TLL1: variants seen among roughly 807,000 people sequenced by gnomAD.
TLL1 encodes the protein tolloid like 1, also known as tolloid-like protein 1.
A neutral mutation model predicts 128.2 loss-of-function variants in TLL1; 49 were observed. That is an observed-to-expected ratio of 0.38 (90% confidence interval 0.30 to 0.48). The LOEUF is 0.48. TLL1 is among the 20% of genes least tolerant of loss of function. The pLI is 0.96. For synonymous variants in TLL1, 454 were observed against 418.8 expected, an observed-to-expected ratio of 1.08 and a Z score of -1.03; for missense variants, 1,123 against 1,242.0, an observed-to-expected ratio of 0.90 and a Z score of 1.44.
At chr4:166,098,664 T>C (rs17633844) in intron 19 of TLL1, among the ~76,000 whole-genome samples, 9,465 of 152,152 alleles carry the variant, frequency 0.062, 320 homozygotes, top group Middle Eastern at 0.095. Context: ...TCAAGTGAGA[T>C]AAATATTTCT....
At chr4:166,011,644 G>A (rs1475514574) in intron 7 of TLL1, among the ~76,000 whole-genome samples, 2 of 151,230 alleles carry the variant, frequency 1.3e-5, no homozygotes, top group Non-Finnish European at 3.0e-5. Context: ...TTTTCTCGTT[G>A]TCCTGGCTGG....
At chr4:165,934,878 G>T (rs1733695879) in intron 1 of TLL1, among the ~76,000 whole-genome samples, 1 of 152,144 alleles carries the variant, frequency 6.6e-6, no homozygotes, top group Non-Finnish European at 1.5e-5. Context: ...ATAGAAATTG[G>T]AGTAAAAATA....
chr4:166,023,449 A>G (rs1353710716), intron 8 of TLL1, among the ~76,000 whole-genome samples: 1 of 152,210 alleles, frequency 6.6e-6, no homozygotes, highest in African/African-American at 2.4e-5. Context: ...CCTTGCTGTC[A>G]ATGAACAGTC....
chr4:165,918,351 G>T (rs1376646754), intron 1 of TLL1, among the ~76,000 whole-genome samples: 1 of 152,160 alleles, frequency 6.6e-6, no homozygotes, highest in African/African-American at 2.4e-5. Context: ...AGTCAAGGAA[G>T]ATGCTTTGAG....
chr4:166,087,552 C>T (rs574064030), intron 18 of TLL1, among the ~76,000 whole-genome samples: 1 of 152,268 alleles, frequency 6.6e-6, no homozygotes, highest in East Asian at 1.9e-4. Flanking sequence ...GCTTATCTTA[C>T]AGTTGCTCAA....
intron 1 of TLL1, among the ~76,000 whole-genome samples, chr4:165,961,186 T>A (rs1340713640): frequency 6.6e-6 from 1 of 151,914 alleles, no homozygotes; most frequent in Admixed American, 6.6e-5. Flanking sequence ...ATGTTCAAGC[T>A]GAGAACTAAG....
At chr4:166,099,679 A>T in intron 20 of TLL1, 152 bp downstream of exon 20, 2 of 1,015,376 alleles carry the variant, frequency 2.0e-6, no homozygotes, top group Non-Finnish European at 2.9e-6. Context: ...ACAAAATATA[A>T]CACGTCTCTA....
At chr4:166,082,104 G>C (rs897730109) in intron 18 of TLL1, among the ~76,000 whole-genome samples, 1 of 152,114 alleles carries the variant, frequency 6.6e-6, no homozygotes, top group Admixed American at 6.6e-5. Context: ...TTTAGGAATT[G>C]GAGTTTGTGT....
intron 9 of TLL1, among the ~76,000 whole-genome samples, chr4:166,034,328 T>G (rs77073057): frequency 2.6e-5 from 4 of 152,090 alleles, no homozygotes; most frequent in Non-Finnish European, 4.4e-5. Context: ...AGAGTCCACA[T>G]AGAATTATGT....
intron 8 of TLL1, among the ~76,000 whole-genome samples, chr4:166,017,904 C>T (rs1321719222): frequency 6.6e-6 from 1 of 152,162 alleles, no homozygotes; most frequent in African/African-American, 2.4e-5. Context: ...ATACTTACCA[C>T]AAGCCAAATG....
At position 166,077,956 on chromosome 4, in the gene TLL1, T is replaced by G; in HGVS notation, c.2368T>G (p.Trp790Gly). The change falls in exon 18 of 21, where the codon TGG becomes GGG. Residue 790 changes from tryptophan (W) to glycine (G), a missense_variant. This residue lies in a region of TLL1 where 634 missense variants were observed against 672.4 expected (regional missense o/e 0.94). Coordinates refer to ENST00000061240, the MANE Select transcript of TLL1 (RefSeq NM_012464.5). ...SPSGLITSPN[W>G]PDKYPSRKEC... The stretch of plus-strand genomic sequence containing the variant: ...AAGTGGCCTCATCACCAGTCCCAAC[T>G]GGCCAGACAAGTACCCAAGCAGGAA... 2 of 1,613,670 alleles carry G rather than the reference T, an allele frequency of 1.2e-6. No homozygotes were observed. The highest frequency in any genetic ancestry group is 1.7e-6 in the Non-Finnish European group (2 of 1,179,752).
At chr4:165,890,274 T>G (rs1447718473) in intron 1 of TLL1, among the ~76,000 whole-genome samples, 1 of 152,150 alleles carries the variant, frequency 6.6e-6, no homozygotes, top group African/African-American at 2.4e-5. Flanking sequence ...CCAAACCATA[T>G]CATTCTGCCA....
chr4:165,931,718 C>CAAAAAAAAAAA lies in TLL1; in HGVS notation c.169+57649_169+57650insAAAAAAAAAAA, dbSNP rs761214388. On this transcript the variant is annotated intron_variant, in intron 1 of 20. Coordinates refer to ENST00000061240, the MANE Select transcript of TLL1 (RefSeq NM_012464.5). ...TGGGCGACAGAGTAAGACTCTGTCT[C>CAAAAAAAAAAA]AAAAGAAAAAAAAAAGAAATTGCAA... Among the ~76,000 whole-genome samples, 9 of 133,536 alleles carry CAAAAAAAAAAA rather than the reference C, an allele frequency of 6.7e-5. 1 individual carries two copies. Among genetic ancestry groups the CAAAAAAAAAAA allele is most frequent in the Middle Eastern group, 3.9e-3 (1 of 256 alleles). The allele number at this position is 133,536 out of a possible 152,430, so 87.6% of individuals were successfully genotyped here. A position where few individuals can be genotyped will look rare whatever the true frequency, so the allele number is the denominator to read the frequency against.
In TLL1 at chr4:166,077,985, A is replaced by G. The variant is rs1355448280; in HGVS notation, c.2397A>G (p.Glu799=). 1 of 1,613,780 alleles carries G rather than the reference A, an allele frequency of 6.2e-7. No individual in the cohort carries two copies. The highest frequency in any genetic ancestry group is 2.2e-5 in the East Asian group (1 of 44,790). Residue 799 remains glutamate (E), a synonymous_variant, in exon 18 of 21, where the codon GAA becomes GAG. Coordinates refer to ENST00000061240, the MANE Select transcript of TLL1 (RefSeq NM_012464.5). ...CAGACAAGTACCCAAGCAGGAAAGA[A>G]TGCACTTGGGAAATCAGCGCCACTC... ...NWPDKYPSRK[E]CTWEISATPG... is the part of the protein sequence containing the mutation.
intron 7 of TLL1, among the ~76,000 whole-genome samples, chr4:166,012,049 A>T (rs1737717771): frequency 1.3e-5 from 2 of 151,578 alleles, no homozygotes; most frequent in Non-Finnish European, 3.0e-5. Context: ...GAATGTATCT[A>T]TAGGGTCTTT....
chr4:166,061,932 A>G (rs1340287837), intron 15 of TLL1, among the ~76,000 whole-genome samples: 1 of 152,158 alleles, frequency 6.6e-6, no homozygotes, highest in Non-Finnish European at 1.5e-5. Flanking sequence ...AGCTTTCTAC[A>G]TATGGCTAGC....
intron 16 of TLL1, among the ~76,000 whole-genome samples, chr4:166,070,018 T>C (rs1467126731): frequency 1.3e-5 from 2 of 151,822 alleles, no homozygotes; most frequent in African/African-American, 2.4e-5. Context: ...TATTCACTTA[T>C]TTTCAGGTAA....
In TLL1 at chr4:165,874,044, C is replaced by G. The variant is rs946221093; in HGVS notation, c.140C>G (p.Thr47Ser). 3 of 1,614,044 alleles carry G rather than the reference C, an allele frequency of 1.9e-6. No homozygotes were observed. The change falls in exon 1 of 21, where the codon ACT becomes AGT. Residue 47 changes from threonine to serine, a missense_variant. Physicochemically the swap from Thr to Ser is moderately conservative, Grantham distance 58 (BLOSUM62 1). Around this residue, in one of 3 missense-constraint regions of TLL1, gnomAD observed 480 missense variants for 542.4 expected, o/e 0.89. Coordinates refer to ENST00000061240, the MANE Select transcript of TLL1 (RefSeq NM_012464.5). Reference sequence around the variant, plus strand: ...GGGAACGAAGAGGATAAAACAGAGACTATAGATTACAAGGACCCGTGTAAA... The same window carrying G: ...GGGAACGAAGAGGATAAAACAGAGAGTATAGATTACAAGGACCCGTGTAAA... Reference protein sequence around the residue: ...FDGNEEDKTETIDYKDPCKAA... With the variant: ...FDGNEEDKTESIDYKDPCKAA...
intron 1 of TLL1, among the ~76,000 whole-genome samples, chr4:165,934,458 AGAAGTTG>A (rs1733676179): frequency 6.6e-6 from 1 of 152,204 alleles, no homozygotes; most frequent in Non-Finnish European, 1.5e-5. Flanking sequence ...CCTGACAACT[AGAAGTTG>A]GAAGATGAGG....
Sources: gnomAD v4.1 joint callset for allele counts (sites outside exome capture counted in the v4.1 genomes callset) on GRCh38, gnomAD v4.1.1 for gene constraint, gnomAD v4.1.1 regional missense constraint, MANE v1.5 for transcripts, NCBI Gene and HGNC (gene_info 2026-07-23, HGNC 2026-07-21) for gene names.